Variants in CCDC85A observed in about 807,000 individuals in gnomAD.
CCDC85A encodes the protein coiled-coil domain containing 85A.
A neutral mutation model predicts 50.2 loss-of-function variants in CCDC85A; 38 were observed. That is an observed-to-expected ratio of 0.76 (90% CI 0.58 to 0.99). The LOEUF is 0.99. Among genes scored for constraint, CCDC85A ranks in the 50% least tolerant of loss-of-function variants. CCDC85A has a pLI of 0.00. For synonymous variants in CCDC85A, 366 were observed against 301.4 expected (o/e 1.21, Z -2.22); for missense variants, 820 against 742.0 (o/e 1.11, Z -1.22).
At position 56,342,639 on chromosome 2, in the gene CCDC85A, C is replaced by T. The variant is rs534046856; in HGVS notation, c.1241-240C>T. On this transcript the variant is annotated intron_variant, in intron 2 of 5. Coordinates refer to ENST00000407595, the MANE Select transcript of CCDC85A (RefSeq NM_001080433.2). ...TAATCGTCAATTGTGTGTACTACCACCTGTAAATATGCCAGTCTGTGTCTT... is the reference window on the plus strand; with the variant it reads ...TAATCGTCAATTGTGTGTACTACCATCTGTAAATATGCCAGTCTGTGTCTT... Among the ~76,000 whole-genome samples the T allele has an allele frequency of 1.7e-4, 26 of 152,260 alleles. No homozygotes were observed. The South Asian group carries it at 5.4e-3, about 32-fold the overall frequency.
At position 56,278,452 on chromosome 2, in the gene CCDC85A, T is replaced by G. The variant is rs144991816; in HGVS notation, c.1241-64427T>G. On this transcript the variant is annotated intron_variant, in intron 2 of 5. Transcript: ENST00000407595. ...TTAGACGCATAGCAAAGTCCAATTC[T>G]GTCTTTTCCAGCTGAATACTTCAAT... 5.0e-3 allele frequency among the ~76,000 whole-genome samples: 757 copies of G among 152,344 alleles called. 6 individuals are homozygous for G. Among genetic ancestry groups the G allele is most frequent in the African/African-American group, 0.017 (707 of 41,586 alleles).
intron 3 of CCDC85A, among the ~76,000 whole-genome samples, chr2:56,365,447 C>T (rs1054420926): frequency 1.2e-4 from 19 of 152,094 alleles, no homozygotes; most frequent in African/African-American, 4.6e-4. Flanking sequence ...CCTTCGAAGG[C>T]TGCTGAGCTA....
intron 2 of CCDC85A, among the ~76,000 whole-genome samples, chr2:56,267,953 A>C (rs943604650): frequency 3.3e-5 from 5 of 152,178 alleles, no homozygotes; most frequent in African/African-American, 1.2e-4. Flanking sequence ...TTTTCCTAAA[A>C]AGCTATTTCA....
intron 2 of CCDC85A, among the ~76,000 whole-genome samples, chr2:56,329,810 A>G (rs540585370): frequency 3.9e-4 from 60 of 152,226 alleles, no homozygotes; most frequent in African/African-American, 1.4e-3. Flanking sequence ...TCTGAAGAGT[A>G]TAACTAAAAA....
intron 2 of CCDC85A, among the ~76,000 whole-genome samples, chr2:56,289,806 G>A (rs1413033144): frequency 6.6e-6 from 1 of 152,158 alleles, no homozygotes; most frequent in Admixed American, 6.5e-5. Flanking sequence ...ATTTTTGGAG[G>A]GGGTATAGTT....
intron 2 of CCDC85A, among the ~76,000 whole-genome samples, chr2:56,269,984 C>G (rs1401578947): frequency 6.6e-6 from 1 of 152,208 alleles, no homozygotes; most frequent in Admixed American, 6.5e-5. Flanking sequence ...TGCTTTCTCA[C>G]AGTAGTGGCA....
intron 2 of CCDC85A, among the ~76,000 whole-genome samples, chr2:56,287,382 G>A (rs1470130743): frequency 6.6e-6 from 1 of 152,160 alleles, no homozygotes; most frequent in African/African-American, 2.4e-5. Flanking sequence ...GCCACAGTCT[G>A]GAAAGTGTCC....
rs573497199 is a variant in CCDC85A at position 56,343,096 on chromosome 2, T to C, written c.1317+141T>C. ...AATAGCCATTCATCAATGTAGAGTG[T>C]GATTATGTTCCATGATGGCCATCAT... is the stretch of plus-strand genomic sequence containing the variant. On this transcript the variant is annotated intron_variant, in intron 3 of 5. Transcript: ENST00000407595. The C allele has an allele frequency of 1.4e-5, 8 of 587,706 alleles. No individual in the cohort carries two copies. The East Asian group carries it at 2.5e-4, about 18-fold the overall frequency. 36.4% of individuals were successfully genotyped at this position (587,706 alleles called of 1,614,324 possible).
chr2:56,354,305 C>T (rs762061428), intron 3 of CCDC85A, among the ~76,000 whole-genome samples: 2 of 152,078 alleles, frequency 1.3e-5, no homozygotes, highest in East Asian at 1.9e-4. Context: ...GACAAAGAGA[C>T]GACAAAGACA....
chr2:56,276,405 TCTTGAATTGTAA>T (rs1670945787), intron 2 of CCDC85A, among the ~76,000 whole-genome samples: 1 of 152,052 alleles, frequency 6.6e-6, no homozygotes, highest in Non-Finnish European at 1.5e-5. Flanking sequence ...CCAAATCTCA[TCTTGAATTGTAA>T]CTCCTGAAAT....
intron 2 of CCDC85A, among the ~76,000 whole-genome samples, chr2:56,227,684 T>C (rs1028106259): frequency 6.6e-6 from 1 of 150,404 alleles, no homozygotes; most frequent in African/African-American, 2.5e-5. Flanking sequence ...CCTGGAATTA[T>C]TCATAGCCAT....
At chr2:56,261,355 T>A (rs540112240) in intron 2 of CCDC85A, among the ~76,000 whole-genome samples, 18 of 152,200 alleles carry the variant, frequency 1.2e-4, no homozygotes, top group African/African-American at 3.1e-4. Context: ...TGCATTTGAA[T>A]GTATTTTACA....
At chr2:56,233,139 C>T (rs767990632) in intron 2 of CCDC85A, among the ~76,000 whole-genome samples, 1 of 152,204 alleles carries the variant, frequency 6.6e-6, no homozygotes, top group Non-Finnish European at 1.5e-5. Context: ...GCTTAACTCT[C>T]ACTTCTTCAG....
chr2:56,232,519 A>G (rs1312855033), intron 2 of CCDC85A, among the ~76,000 whole-genome samples: 1 of 152,138 alleles, frequency 6.6e-6, no homozygotes, highest in African/African-American at 2.4e-5. Context: ...AGTGAGCCTC[A>G]CCAGATCTGA....
intron 3 of CCDC85A, among the ~76,000 whole-genome samples, chr2:56,345,984 C>T (rs1027847450): frequency 1.3e-5 from 2 of 152,134 alleles, no homozygotes; most frequent in Non-Finnish European, 2.9e-5. Flanking sequence ...TAAAGCGTGT[C>T]CATTTGTCTT....
chr2:56,324,095 A>G (rs1212126933), intron 2 of CCDC85A, among the ~76,000 whole-genome samples: 2 of 152,108 alleles, frequency 1.3e-5, no homozygotes, highest in Non-Finnish European at 2.9e-5. Context: ...CTTAAGGACA[A>G]ACTGCAAATT....
At chr2:56,384,043 C>A (rs369516731) in intron 5 of CCDC85A, among the ~76,000 whole-genome samples, 7 of 151,800 alleles carry the variant, frequency 4.6e-5, no homozygotes, top group African/African-American at 1.7e-4. Flanking sequence ...AAAATTTTGA[C>A]CCTGGTTACT....
At chr2:56,327,216 T>C (rs961515099) in intron 2 of CCDC85A, among the ~76,000 whole-genome samples, 2 of 152,202 alleles carry the variant, frequency 1.3e-5, no homozygotes, top group South Asian at 2.1e-4. Flanking sequence ...ATAAGGTTTA[T>C]TGTAAAATGC....
chr2:56,303,944 C>T (rs914126560), intron 2 of CCDC85A, among the ~76,000 whole-genome samples: 1 of 152,062 alleles, frequency 6.6e-6, no homozygotes, highest in Non-Finnish European at 1.5e-5. Flanking sequence ...TGATGAAGTT[C>T]GTCATCTCAG....
Sources: gnomAD v4.1 joint callset for allele counts (sites outside exome capture counted in the v4.1 genomes callset) on GRCh38, gnomAD v4.1.1 for gene constraint, MANE v1.5 for transcripts, NCBI Gene and HGNC (gene_info 2026-07-23, HGNC 2026-07-21) for gene names.